NTRK1: variants seen among roughly 807,000 people sequenced by gnomAD.
NTRK1 encodes the protein high affinity nerve growth factor receptor.
NTRK1 carries 62 observed loss-of-function variants against 86.8 expected under a neutral mutation model. That is an observed-to-expected ratio of 0.71 (90% CI 0.58 to 0.88). NTRK1 has a LOEUF of 0.88. Ranked by LOEUF, NTRK1 falls within the 40% of genes least tolerant of loss-of-function variation. The pLI, the probability that NTRK1 is intolerant of heterozygous loss-of-function variation, is 0.00. For synonymous variants in NTRK1, 469 were observed against 456.6 expected, an observed-to-expected ratio of 1.03 and a Z score of -0.35; for missense variants, 967 against 1,078.4, an observed-to-expected ratio of 0.90 and a Z score of 1.45.
intron 16 of NTRK1, 148 bp downstream of exon 16, chr1:156,880,305 C>A: frequency 1.3e-6 from 1 of 789,706 alleles, no homozygotes; most frequent in Non-Finnish European, 2.1e-6. Context: ...ACTGTGTCCC[C>A]TCCACTGTGG....
At position 156,863,760 on chromosome 1, in the gene NTRK1, T is replaced by G. The variant is rs543343448; in HGVS notation, c.213-594T>G. 2.0e-5 allele frequency among the ~76,000 whole-genome samples: 3 copies of G among 152,296 alleles called. No individual in the cohort carries two copies. In the South Asian group the frequency reaches 6.2e-4, roughly 32 times the overall value. Reference sequence around the variant, plus strand: ...GCACGTTTGGGAACACACATTTGCATGAGCACAGGCTTCGTCTGTGCTGGG... The same window carrying G: ...GCACGTTTGGGAACACACATTTGCAGGAGCACAGGCTTCGTCTGTGCTGGG... On this transcript the variant is annotated intron_variant, in intron 1 of 16. Coordinates refer to ENST00000524377, the MANE Select transcript of NTRK1 (RefSeq NM_002529.4).
At chr1:156,839,259 T>G (rs1344339921) in intron 1 of NTRK1, among the ~76,000 whole-genome samples, 3 of 152,194 alleles carry the variant, frequency 2.0e-5, no homozygotes, top group Non-Finnish European at 4.4e-5. Context: ...GGACAACTGC[T>G]GGCGGGCGTG....
At chr1:156,830,490 T>C (rs1390689464) in intron 1 of NTRK1, among the ~76,000 whole-genome samples, 2 of 151,832 alleles carry the variant, frequency 1.3e-5, no homozygotes, top group African/African-American at 4.8e-5. Context: ...CTCTCCAAGC[T>C]TCAGTTGCTG....
intron 14 of NTRK1, among the ~76,000 whole-genome samples, chr1:156,877,514 G>GTGAT (rs1477720280): frequency 1.3e-5 from 2 of 152,256 alleles, no homozygotes; most frequent in South Asian, 2.1e-4. Context: ...AGCCCCTGAT[G>GTGAT]TGATGGTCAC....
chr1:156,843,547 GGAA>G (rs1223006033), intron 2 of NTRK1: 1 of 1,482,278 alleles, frequency 6.7e-7, no homozygotes, highest in African/African-American at 1.4e-5. Context: ...ATCAGAAGAA[GGAA>G]GAAGGACATT....
Position 156,854,610 on chromosome 1 carries a change from C to T in NTRK1, c.51-9744C>T, listed in dbSNP as rs1655345986. On this transcript the variant is annotated intron_variant, in intron 2 of 16. Transcript: ENST00000392302. This position sits in a 1 kb window ranked among gnomAD's most constrained non-coding sequence, Gnocchi z 4.2. ...GGCTCCCAACGACTGCAAGCGACTC[C>T]CAGCGACTTCATTCTTGCAGTCACC... Among the ~76,000 whole-genome samples the T allele has an allele frequency of 6.6e-6, 1 of 152,162 alleles. No individual in the cohort carries two copies. The highest frequency in any genetic ancestry group is 1.5e-5 in the Non-Finnish European group (1 of 68,012).
In NTRK1 at chr1:156,881,742, C is replaced by A; in HGVS notation, c.*100C>A. ...CAGCCCCAGGGTGATCTCAAAGTATCTAATTCACCCTCAGCATGTGGGAAG... is the reference window on the plus strand; with the variant it reads ...CAGCCCCAGGGTGATCTCAAAGTATATAATTCACCCTCAGCATGTGGGAAG... On this transcript the variant is annotated 3_prime_UTR_variant, in exon 17 of 17. Transcript: ENST00000524377. The A allele has an allele frequency of 8.3e-7, 1 of 1,211,208 alleles. No individual in the cohort carries two copies. Among genetic ancestry groups the A allele is most frequent in the Non-Finnish European group, 1.1e-6 (1 of 887,388 alleles). 75.0% of individuals were successfully genotyped at this position (1,211,208 alleles called of 1,614,324 possible).
chr1:156,874,310 C>CACTGCTTTCCTCCTCCCTCTG, intron 8 of NTRK1, 73 bp from the exon 9 acceptor site: 2 of 1,607,074 alleles, frequency 1.2e-6, no homozygotes, highest in Non-Finnish European at 1.7e-6. Flanking sequence ...GCAGGGGACT[C>CACTGCTTTCCTCCTCCCTCTG]ACTGCTTTCC....
chr1:156,858,898 T>C (rs1006776745), upstream of NTRK1: 6 of 463,992 alleles, frequency 1.3e-5, no homozygotes, highest in Non-Finnish European at 2.4e-5. Context: ...ACAGGGAGAG[T>C]CTCGGGCCTC....
chr1:156,874,884 A>G (rs2102911732), intron 10 of NTRK1, 22 bp from the exon 11 acceptor site: 1 of 1,568,982 alleles, frequency 6.4e-7, no homozygotes, highest in Non-Finnish European at 8.8e-7. Context: ...CCCTGGATCT[A>G]ACTACCCCTG....
intron 2 of NTRK1, chr1:156,843,513 G>C (rs769954015): frequency 1.9e-6 from 3 of 1,607,330 alleles, no homozygotes; most frequent in East Asian, 2.2e-5. Flanking sequence ...AGGCTGGAAG[G>C]GTTCTCAGGA....
At chr1:156,869,365 A>G (rs1647407985) in intron 6 of NTRK1, among the ~76,000 whole-genome samples, 1 of 152,006 alleles carries the variant, frequency 6.6e-6, no homozygotes, top group African/African-American at 2.4e-5. Flanking sequence ...GGTGTGAGCC[A>G]CTGTGCCCGG....
intron 1 of NTRK1, among the ~76,000 whole-genome samples, chr1:156,828,156 T>C (rs1654372939): frequency 1.3e-5 from 2 of 152,168 alleles, no homozygotes; most frequent in Admixed American, 1.3e-4. Flanking sequence ...CATTTGCAAT[T>C]GTAATATTAT....
chr1:156,871,828 G>T, intron 7 of NTRK1, 73 bp downstream of exon 7: 3 of 1,601,854 alleles, frequency 1.9e-6, no homozygotes, highest in Non-Finnish European at 2.6e-6. Context: ...ATGTAGGGTG[G>T]GGGGCTGGAA....
intron 7 of NTRK1, among the ~76,000 whole-genome samples, chr1:156,872,875 C>T (rs1647641703): frequency 6.6e-6 from 1 of 151,976 alleles, no homozygotes; most frequent in Admixed American, 6.6e-5. Context: ...GACGGGGTTT[C>T]ACCGTGTTAG....
At chr1:156,881,419 C>T in intron 16 of NTRK1, 38 bp from the exon 17 acceptor site, 1 of 1,547,910 alleles carries the variant, frequency 6.5e-7, no homozygotes, top group East Asian at 2.4e-5. Flanking sequence ...TGCCCCCAGC[C>T]TAGTGGGCTT....
intron 2 of NTRK1, chr1:156,851,328 C>G: frequency 6.2e-7 from 1 of 1,614,190 alleles, no homozygotes; most frequent in Non-Finnish European, 8.5e-7. Context: ...GTTTGAGGTT[C>G]TTGAAAAAGC....
intron 2 of NTRK1, chr1:156,846,537 G>T: frequency 6.2e-7 from 1 of 1,614,044 alleles, no homozygotes; most frequent in Middle Eastern, 1.6e-4. Flanking sequence ...AGCGTTCGGA[G>T]GTAGACGATG....
At chr1:156,861,915 T>TC (rs1450559324) in intron 1 of NTRK1, among the ~76,000 whole-genome samples, 8 of 152,220 alleles carry the variant, frequency 5.3e-5, no homozygotes, top group Non-Finnish European at 8.8e-5. Context: ...TACAAAATAC[T>TC]CAAGTACTTT....
Sources: allele counts gnomAD v4.1 joint callset (sites outside exome capture counted in the v4.1 genomes callset), GRCh38; gene constraint gnomAD v4.1.1; non-coding constraint Gnocchi (gnomAD v3.1); transcripts MANE v1.5; gene names NCBI Gene and HGNC (gene_info 2026-07-23, HGNC 2026-07-21).